SMYD3: variants seen among roughly 807,000 people sequenced by gnomAD.
The protein encoded by SMYD3 is histone-lysine N-methyltransferase SMYD3.
SMYD3 carries 36 observed loss-of-function variants against 57.7 expected under a neutral mutation model. The observed-to-expected ratio is 0.62, with a 90% confidence interval of 0.48 to 0.82. The LOEUF (loss-of-function observed/expected upper bound fraction) is 0.82. SMYD3 is among the 40% of genes least tolerant of loss of function. SMYD3 has a pLI of 0.00. For synonymous variants in SMYD3, 211 were observed against 195.0 expected (o/e 1.08, Z -0.68); for missense variants, 515 against 538.8 (o/e 0.96, Z 0.44).
chr1:246,208,272 A>C (rs2362252), intron 5 of SMYD3, among the ~76,000 whole-genome samples: 63,061 of 151,854 alleles, frequency 0.42, 14,697 homozygotes, highest in East Asian at 0.79. Flanking sequence ...CATTGTGAAC[A>C]AGACTGAGGC....
intron 10 of SMYD3, among the ~76,000 whole-genome samples, chr1:245,782,113 C>G (rs1211782326): frequency 2.0e-5 from 3 of 152,210 alleles, no homozygotes; most frequent in Admixed American, 2.0e-4. Flanking sequence ...TTTACCCTCC[C>G]TCTAAACCAA....
chr1:245,779,055 G>A (rs1400698154), intron 10 of SMYD3, among the ~76,000 whole-genome samples: 2 of 151,794 alleles, frequency 1.3e-5, no homozygotes, highest in African/African-American at 2.4e-5. Context: ...AGCTAATTGA[G>A]AGGATGAAGC....
At chr1:246,185,530 C>T (rs562968591) in intron 5 of SMYD3, among the ~76,000 whole-genome samples, 1 of 141,540 alleles carries the variant, frequency 7.1e-6, no homozygotes, top group South Asian at 2.3e-4. Flanking sequence ...GGCGCGATCT[C>T]GGCTCACTGC....
At chr1:246,492,904 A>G (rs1287979396) in intron 1 of SMYD3, among the ~76,000 whole-genome samples, 1 of 152,180 alleles carries the variant, frequency 6.6e-6, no homozygotes, top group African/African-American at 2.4e-5. Flanking sequence ...AGGCAGGTAC[A>G]TGGTAAAGCC....
intron 5 of SMYD3, among the ~76,000 whole-genome samples, chr1:246,191,714 G>A (rs532059547): frequency 6.6e-5 from 10 of 152,214 alleles, no homozygotes; most frequent in African/African-American, 1.4e-4. Flanking sequence ...ATGATGTGTC[G>A]CTGGAAAAAG....
At chr1:245,804,041 C>T (rs1261148897) in intron 10 of SMYD3, among the ~76,000 whole-genome samples, 3 of 151,374 alleles carry the variant, frequency 2.0e-5, no homozygotes, top group Non-Finnish European at 1.5e-5. Context: ...GACTTCCAAG[C>T]AGCTGGGACC....
At chr1:246,066,967 A>AATT (rs1474657726) in intron 5 of SMYD3, among the ~76,000 whole-genome samples, 1 of 152,252 alleles carries the variant, frequency 6.6e-6, no homozygotes. Context: ...AGAGTGGCAG[A>AATT]ATTCAGTACT....
rs2067772463 is a variant in SMYD3, at chr1:246,459,992, C to T, written c.164+47062G>A. On this transcript the variant is annotated intron_variant, in intron 1 of 11. Transcript: ENST00000490107. ...AAACACAAGATAACACACTTAGGCT[C>T]TTGAAGTCATTCCACTTTCTAGTTT... Among the ~76,000 whole-genome samples the T allele has an allele frequency of 2.0e-5, 3 of 149,484 alleles. No homozygotes were observed. In the South Asian group the frequency reaches 6.5e-4, roughly 32 times the overall value.
At chr1:246,456,337 C>G (rs556586218) in intron 1 of SMYD3, among the ~76,000 whole-genome samples, 1 of 152,322 alleles carries the variant, frequency 6.6e-6, no homozygotes, top group South Asian at 2.1e-4. Context: ...AAATCAGTAT[C>G]TCTACGAATA....
At chr1:246,114,631 T>C (rs1366666540) in intron 5 of SMYD3, among the ~76,000 whole-genome samples, 1 of 152,088 alleles carries the variant, frequency 6.6e-6, no homozygotes, top group Non-Finnish European at 1.5e-5. Context: ...CTTGTTCTCG[T>C]TTTTGTTGTT....
At chr1:246,398,725 G>A (rs771820112) in intron 1 of SMYD3, among the ~76,000 whole-genome samples, 1 of 152,140 alleles carries the variant, frequency 6.6e-6, no homozygotes, top group Non-Finnish European at 1.5e-5. Context: ...GCCAAAAGGA[G>A]GAGGAGACTG....
At chr1:245,963,887 G>T (rs766569365) in intron 5 of SMYD3, among the ~76,000 whole-genome samples, 6 of 152,142 alleles carry the variant, frequency 3.9e-5, no homozygotes, top group Non-Finnish European at 7.3e-5. Flanking sequence ...CAGGGTCATG[G>T]GCTCACTAGA....
chr1:246,110,102 G>A (rs1345431139), intron 5 of SMYD3, among the ~76,000 whole-genome samples: 1 of 152,186 alleles, frequency 6.6e-6, no homozygotes, highest in African/African-American at 2.4e-5. Context: ...CCAAAACTGT[G>A]AAACTCTCGG....
intron 1 of SMYD3, among the ~76,000 whole-genome samples, chr1:246,435,665 TA>T (rs1444351071): frequency 6.6e-6 from 1 of 151,424 alleles, no homozygotes; most frequent in Non-Finnish European, 1.5e-5. Context: ...GAAGGGGGAA[TA>T]AGGGAAGAGT....
intron 11 of SMYD3, among the ~76,000 whole-genome samples, chr1:245,760,691 T>C (rs928793442): frequency 6.6e-6 from 1 of 152,210 alleles, no homozygotes; most frequent in African/African-American, 2.4e-5. Context: ...ACAAAAGGAA[T>C]GTAAGGTCCC....
At chr1:246,218,989 G>C (rs2148415732) in intron 5 of SMYD3, among the ~76,000 whole-genome samples, 1 of 149,042 alleles carries the variant, frequency 6.7e-6, no homozygotes, top group African/African-American at 2.5e-5. Flanking sequence ...AGCACCAATA[G>C]CTTTATCTGT....
At chr1:245,905,029 A>G (rs2054468524) in intron 8 of SMYD3, among the ~76,000 whole-genome samples, 1 of 151,824 alleles carries the variant, frequency 6.6e-6, no homozygotes, top group Non-Finnish European at 1.5e-5. Flanking sequence ...GAAACAACCC[A>G]GTCCTGCCAG....
chr1:245,907,560 A>C (rs975125540), intron 8 of SMYD3, among the ~76,000 whole-genome samples: 1 of 152,194 alleles, frequency 6.6e-6, no homozygotes, highest in Non-Finnish European at 1.5e-5. Context: ...CAGATACGCA[A>C]ATGGGAAAAA....
chr1:246,075,938 C>T (rs1437617094), intron 5 of SMYD3, among the ~76,000 whole-genome samples: 127 of 56,052 alleles, frequency 2.3e-3, no homozygotes, highest in Admixed American at 2.5e-3. Flanking sequence ...AGACATATAG[C>T]AAGAAAAAAA....
Sources: gnomAD v4.1 joint callset for allele counts (sites outside exome capture counted in the v4.1 genomes callset) on GRCh38, gnomAD v4.1.1 for gene constraint, MANE v1.5 for transcripts, NCBI Gene and HGNC (gene_info 2026-07-23, HGNC 2026-07-21) for gene names.